PROX2: variants seen among roughly 807,000 people sequenced by gnomAD.
PROX2 encodes prospero homeobox protein 2.
Under a neutral mutation model 48.9 loss-of-function variants are expected in PROX2, and 46 were observed. The observed-to-expected ratio is 0.94, with a 90% CI of 0.74 to 1.20. The LOEUF is 1.20. Ranked by LOEUF, PROX2 falls within the 50% of genes most tolerant of loss-of-function variation. The probability of loss-of-function intolerance (pLI) is 0.00; values close to 1 mark genes in which losing one functional copy is unlikely to be tolerated. For synonymous variants in PROX2, 260 were observed against 276.6 expected, an observed-to-expected ratio of 0.94 and a Z score of 0.60; for missense variants, 663 against 719.4, an observed-to-expected ratio of 0.92 and a Z score of 0.90.
Position 74,855,136 on chromosome 14 carries a change from TG to T in PROX2, c.1774del (p.Gln592SerfsTer14). Reference sequence around the variant, plus strand: ...GGGATCTTAACCCCGAAACAGCTACTGGGGATAGCTGGAAGATTTGAATATC... The same window carrying T: ...GGGATCTTAACCCCGAAACAGCTACTGGGATAGCTGGAAGATTTGAATATC... ...PEIFKSSSYP[Q>X] On this transcript the variant is annotated frameshift_variant, in exon 6 of 6. Transcript: ENST00000556489. LOFTEE classifies it high-confidence loss of function. The T allele has an allele frequency of 6.4e-7, 1 of 1,554,052 alleles. No homozygotes were observed. The highest frequency in any genetic ancestry group is 8.8e-7 in the Non-Finnish European group (1 of 1,139,704).
chr14:74,874,139 G>C (rs1883281955), intron 1 of PROX2: 3 of 521,116 alleles, frequency 5.8e-6, no homozygotes, highest in South Asian at 2.8e-5. Flanking sequence ...AAGAACAGCA[G>C]TATATTCTTT....
chr14:74,872,660 T>C (rs1257036845), intron 1 of PROX2, among the ~76,000 whole-genome samples: 32 of 152,260 alleles, frequency 2.1e-4, no homozygotes, highest in Non-Finnish European at 8.8e-5. Context: ...ATAGCGTTTT[T>C]ATGCTTTTCA....
chr14:74,859,271 T>C (rs927175839), intron 3 of PROX2: 1 of 152,226 alleles, frequency 6.6e-6, no homozygotes. Context: ...TGAAGACTCT[T>C]TGTACAAACT....
At chr14:74,870,389 C>T (rs1883180084) in intron 2 of PROX2, among the ~76,000 whole-genome samples, 1 of 139,994 alleles carries the variant, frequency 7.1e-6, no homozygotes, top group South Asian at 2.2e-4. Context: ...TGCGCCACTG[C>T]ACTCTAGCCT....
chr14:74,868,893 A>C (rs955000588), intron 2 of PROX2, among the ~76,000 whole-genome samples: 6 of 152,118 alleles, frequency 3.9e-5, no homozygotes, highest in African/African-American at 1.4e-4. Context: ...CCCACAAATC[A>C]GACTGCCTAG....
At chr14:74,874,540 C>T (rs376344904) in intron 1 of PROX2, among the ~76,000 whole-genome samples, 1 of 152,066 alleles carries the variant, frequency 6.6e-6, no homozygotes. Context: ...CGTGAGCCAC[C>T]GCGCCCGGCC....
In PROX2 at chr14:74,863,239, TCCTTGCTGGTA is replaced by T. The variant is rs747183295; in HGVS notation, c.585_595del (p.Thr196ProfsTer11). ...TTGGTGTTTTTCTGCCCCAGAGAGG[TCCTTGCTGGTA>T]CCTTGCTGGTGGTCACCGTCCACAA... On this transcript the variant is annotated frameshift_variant, in exon 3 of 6. Transcript: ENST00000556489. LOFTEE classifies it high-confidence loss of function. 8.1e-6 allele frequency: 13 copies of T among 1,613,694 alleles called. No individual in the cohort carries two copies. The highest frequency in any genetic ancestry group is 1.1e-5 in the Non-Finnish European group (13 of 1,179,844).
chr14:74,861,415 C>CA (rs2091794189), intron 3 of PROX2, among the ~76,000 whole-genome samples: 1 of 152,232 alleles, frequency 6.6e-6, no homozygotes, highest in Non-Finnish European at 1.5e-5. Context: ...TCCATTTACT[C>CA]ATGTTAAAGG....
At chr14:74,861,526 A>T (rs984061779) in intron 3 of PROX2, among the ~76,000 whole-genome samples, 3 of 152,216 alleles carry the variant, frequency 2.0e-5, no homozygotes, top group Admixed American at 2.0e-4. Context: ...TACTCTGGGA[A>T]ATACATTAAG....
At chr14:74,875,143 TCA>T (rs1883309297) in intron 1 of PROX2, among the ~76,000 whole-genome samples, 1 of 151,596 alleles carries the variant, frequency 6.6e-6, no homozygotes, top group African/African-American at 2.4e-5. Context: ...AGACTCCATC[TCA>T]AAAAAAAATA....
chr14:74,863,197 C>T lies in PROX2; in HGVS notation c.638G>A (p.Ser213Asn), dbSNP rs1306890784. The change falls in exon 3 of 6, where the codon AGT becomes AAT. Residue 213 changes from serine (S) to asparagine (N), a missense_variant. Transcript: ENST00000556489. ...AEKHQESEKPSFLPSGAPASL... is the reference protein window; with the variant it reads ...AEKHQESEKPNFLPSGAPASL... ...AGCTGGTGCTCCAGAAGGAAGGAAA[C>T]TGGGCTTCTCAGACTCTTGGTGTTT... 5.6e-6 allele frequency: 9 copies of T among 1,613,920 alleles called. No homozygotes were observed. Among genetic ancestry groups the T allele is most frequent in the Non-Finnish European group, 6.8e-6 (8 of 1,179,882 alleles).
In PROX2 at chr14:74,862,997, T is replaced by TA. The variant is rs779448269; in HGVS notation, c.837dup (p.Lys280Ter). On this transcript the variant is annotated frameshift_variant, in exon 3 of 6. Coordinates refer to ENST00000556489, the MANE Select transcript of PROX2 (RefSeq NM_001243007.2). LOFTEE classifies it high-confidence loss of function. ...AAGGCAGCCAAAGCAAGTGGATCTT[T>TA]ACAGGCCCCTCCCACAGGAGGTGAG... is the stretch of plus-strand genomic sequence containing the variant. 17 of 1,613,884 alleles carry TA rather than the reference T, an allele frequency of 1.1e-5. No individual in the cohort carries two copies. The highest frequency in any genetic ancestry group is 1.7e-5 in the Admixed American group (1 of 60,010).
intron 5 of PROX2, 120 bp downstream of exon 5, chr14:74,856,681 C>T (rs2091745356): frequency 2.5e-6 from 2 of 804,376 alleles, no homozygotes; most frequent in Non-Finnish European, 3.9e-6. Context: ...CAGAGATTGG[C>T]CCAGGCTGCC....
At chr14:74,856,066 CTT>C (rs1352096335) in intron 5 of PROX2, 2 of 152,288 alleles carry the variant, frequency 1.3e-5, no homozygotes, top group Admixed American at 6.5e-5. Context: ...ATAAACCACT[CTT>C]TGTGATCACA....
intron 2 of PROX2, among the ~76,000 whole-genome samples, chr14:74,870,281 G>T (rs1207441415): frequency 6.6e-6 from 1 of 151,396 alleles, no homozygotes; most frequent in South Asian, 2.1e-4. Context: ...AAATCACCTG[G>T]GCATTGTGGT....
chr14:74,858,434 G>T lies in PROX2; in HGVS notation c.1386C>A (p.Leu462=). Residue 462 remains leucine (L), a synonymous_variant, in exon 4 of 6, where the codon CTC becomes CTA. Coordinates refer to ENST00000556489, the MANE Select transcript of PROX2 (RefSeq NM_001243007.2). Reference sequence around the variant, plus strand: ...GAACATCAGGAAAATAAACCTTCAGGAGGTTGGAGCTGGGATATCGTGTGA... The same window carrying T: ...GAACATCAGGAAAATAAACCTTCAGTAGGTTGGAGCTGGGATATCGTGTGA... ...FFFTRYPSSN[L]LKVYFPDVQF... The T allele has an allele frequency of 1.3e-6, 2 of 1,580,996 alleles. No individual in the cohort carries two copies. The highest frequency in any genetic ancestry group is 1.7e-6 in the Non-Finnish European group (2 of 1,161,852).
Position 74,863,149 on chromosome 14 carries a change from T to A in PROX2, c.686A>T (p.Glu229Val), listed in dbSNP as rs376245999. The stretch of plus-strand genomic sequence containing the variant: ...AGCCTGGGACACTGCCCTGGTCAGC[T>A]CTTTCCTCAGAATCTCTAGTGAAGC... Reference protein sequence around the residue: ...APASLEILRKELTRAVSQAVD... With the variant: ...APASLEILRKVLTRAVSQAVD... Residue 229 changes from glutamate to valine, a missense_variant, in exon 3 of 6, where the codon GAG (glutamate) becomes GTG (valine). Physicochemically the swap from Glu to Val is moderately radical, Grantham distance 121 (BLOSUM62 -2). Coordinates refer to ENST00000556489, the MANE Select transcript of PROX2 (RefSeq NM_001243007.2). 9 of 1,613,920 alleles carry A rather than the reference T, an allele frequency of 5.6e-6. No homozygotes were observed. The highest frequency in any genetic ancestry group is 7.6e-6 in the Non-Finnish European group (9 of 1,179,902).
intron 1 of PROX2, among the ~76,000 whole-genome samples, chr14:74,872,124 G>T (rs758852571): frequency 3.9e-5 from 6 of 152,250 alleles, no homozygotes; most frequent in Non-Finnish European, 8.8e-5. Context: ...TGGGTCACAA[G>T]AGAACCAATC....
intron 2 of PROX2, 31 bp from the exon 3 acceptor site, chr14:74,864,039 G>T: frequency 2.1e-6 from 1 of 465,260 alleles, no homozygotes; most frequent in Non-Finnish European, 3.5e-6. Context: ...AAAAGAGTAC[G>T]TGTGACTTTG....
Sources: allele counts gnomAD v4.1 joint callset (sites outside exome capture counted in the v4.1 genomes callset), GRCh38; gene constraint gnomAD v4.1.1; transcripts MANE v1.5; gene names NCBI Gene and HGNC (gene_info 2026-07-23, HGNC 2026-07-21).